The following MMD2 variants were observed in gnomAD, a reference collection of about 807,000 sequenced individuals.
MMD2 encodes monocyte to macrophage differentiation associated 2.
A neutral mutation model predicts 33.5 loss-of-function variants in MMD2; 30 were observed. That is an observed-to-expected ratio of 0.90 (90% confidence interval 0.67 to 1.22). The LOEUF is 1.22. MMD2 is among the 50% of genes most tolerant of loss of function. MMD2 has a pLI of 0.00. For missense variants in MMD2, 364 were observed against 325.4 expected, an observed-to-expected ratio of 1.12 and a Z score of -0.91; for synonymous variants, 129 against 123.0, an observed-to-expected ratio of 1.05 and a Z score of -0.32.
chr7:4,896,842 A>C, the MMD2 span, among the ~76,000 whole-genome samples: 1 of 150,114 alleles, frequency 6.7e-6, no homozygotes, highest in Admixed American at 6.6e-5. Context: ...TTCTTTCTTT[A>C]TTTTTCTCTA....
Position 4,908,147 on chromosome 7 carries a change from G to GTT in MMD2, c.538-550_538-549dup, listed in dbSNP as rs34216197. Among the ~76,000 whole-genome samples the GTT allele has an allele frequency of 2.8e-3, 387 of 137,620 alleles. 3 individuals carry two copies. Among genetic ancestry groups the GTT allele is most frequent in the African/African-American group, 7.6e-3 (286 of 37,598 alleles). 90.3% of individuals were successfully genotyped at this position (137,620 alleles called of 152,430 possible). A position where few individuals can be genotyped will look rare whatever the true frequency, so the allele number is the denominator to read the frequency against. Reference sequence around the variant, plus strand: ...TTTATAACTTATCTTATCTGGTTTTGTTTTTTTTTTTTTTGAGACACAGTT... The same window carrying GTT: ...TTTATAACTTATCTTATCTGGTTTTGTTTTTTTTTTTTTTTTGAGACACAGTT... On this transcript the variant is annotated intron_variant, in intron 6 of 6. Transcript: ENST00000401401.
At chr7:4,921,135 C>A in intron 2 of MMD2, among the ~76,000 whole-genome samples, 1 of 152,144 alleles carries the variant, frequency 6.6e-6, no homozygotes, top group Non-Finnish European at 1.5e-5. Flanking sequence ...AAGACCACGT[C>A]CCAGAGAGTG....
the MMD2 span, among the ~76,000 whole-genome samples, chr7:4,892,639 A>G: frequency 6.6e-6 from 1 of 151,886 alleles, no homozygotes; most frequent in East Asian, 1.9e-4. Context: ...TTAATTAATT[A>G]AAAGATGTGC....
intron 1 of MMD2, among the ~76,000 whole-genome samples, chr7:4,943,759 G>A (rs532700043): frequency 2.0e-5 from 3 of 152,146 alleles, no homozygotes; most frequent in Non-Finnish European, 4.4e-5. Context: ...AGCCGAAGAG[G>A]AGGGCAGCTT....
At position 4,919,561 on chromosome 7, in the gene MMD2, C is replaced by G. The variant is rs189750594; in HGVS notation, c.290+610G>C. ...CCAGCCTGGGCAACAGATTGAGACT[C>G]TTTCTCAAAAAACAAACAAACAAAC... On this transcript the variant is annotated intron_variant, in intron 3 of 6. Coordinates refer to ENST00000401401, the MANE Select transcript of MMD2 (RefSeq NM_198403.4). Among the ~76,000 whole-genome samples, 160 of 152,106 alleles carry G rather than the reference C, an allele frequency of 1.1e-3. 1 individual carries two copies. The highest frequency in any genetic ancestry group is 3.7e-3 in the African/African-American group (155 of 41,504).
chr7:4,925,256 A>G (rs552619159), intron 2 of MMD2, among the ~76,000 whole-genome samples, 195 bp downstream of exon 2: 8 of 152,248 alleles, frequency 5.3e-5, no homozygotes, highest in Admixed American at 1.3e-4. Flanking sequence ...AGAGCAAGAC[A>G]GAGACATGGC....
chr7:4,892,535 C>G, the MMD2 span, among the ~76,000 whole-genome samples: 1 of 151,008 alleles, frequency 6.6e-6, no homozygotes, highest in African/African-American at 2.4e-5. Context: ...ATGCAGTGAG[C>G]CGAGATCGCA....
chr7:4,918,555 C>G (rs902248731), intron 3 of MMD2, among the ~76,000 whole-genome samples: 2 of 148,632 alleles, frequency 1.3e-5, no homozygotes, highest in African/African-American at 5.0e-5. Flanking sequence ...ACTATCTAGA[C>G]TCACTGCAAC....
In MMD2 at chr7:4,940,465, C is replaced by T. The variant is rs1395028742; in HGVS notation, c.48-14933G>A. Among the ~76,000 whole-genome samples the T allele has an allele frequency of 1.3e-5, 2 of 152,218 alleles. No individual in the cohort carries two copies. The highest frequency in any genetic ancestry group is 2.9e-5 in the Non-Finnish European group (2 of 68,044). The stretch of plus-strand genomic sequence containing the variant: ...TTGGACAGAGGACTAGAGAGATTTG[C>T]CCGGGCTCCTACACAAAGGGGGTTC... On this transcript the variant is annotated intron_variant, in intron 1 of 6. Coordinates refer to ENST00000401401, the MANE Select transcript of MMD2 (RefSeq NM_198403.4). This position sits in a 1 kb window ranked among gnomAD's most constrained non-coding sequence, Gnocchi z 5.0.
At chr7:4,944,760 C>CTTTTTTTTTTTTTTTTTTTTT (rs142716643) in intron 1 of MMD2, among the ~76,000 whole-genome samples, 9 of 75,300 alleles carry the variant, frequency 1.2e-4, no homozygotes, top group Non-Finnish European at 1.6e-4. Context: ...TCTTCTTCTT[C>CTTTTTTTTTTTTTTTTTTTTT]TTTTTTTTTT....
intron 1 of MMD2, among the ~76,000 whole-genome samples, chr7:4,956,761 G>C (rs1786391532): frequency 6.6e-6 from 1 of 152,160 alleles, no homozygotes; most frequent in Non-Finnish European, 1.5e-5. Flanking sequence ...CAGCAGGTGT[G>C]GGACAGGCCC....
intron 1 of MMD2, among the ~76,000 whole-genome samples, chr7:4,944,760 C>CTTTTTTTT (rs142716643): frequency 4.6e-4 from 35 of 75,292 alleles, no homozygotes; most frequent in Non-Finnish European, 6.3e-4. Flanking sequence ...TCTTCTTCTT[C>CTTTTTTTT]TTTTTTTTTT....
chr7:4,947,184 G>C (rs1239870217), intron 1 of MMD2, among the ~76,000 whole-genome samples: 1 of 151,780 alleles, frequency 6.6e-6, no homozygotes, highest in Non-Finnish European at 1.5e-5. Flanking sequence ...CTCCAGCCTG[G>C]GTGACAGAGC....
chr7:4,936,853 G>A (rs1785754731), intron 1 of MMD2, among the ~76,000 whole-genome samples: 1 of 151,878 alleles, frequency 6.6e-6, no homozygotes, highest in Non-Finnish European at 1.5e-5. Flanking sequence ...TCTTCCCTCA[G>A]CCTCCCAAGT....
chr7:4,919,695 G>A (rs1424709313), intron 3 of MMD2, among the ~76,000 whole-genome samples: 1 of 152,146 alleles, frequency 6.6e-6, no homozygotes, highest in Admixed American at 6.6e-5. Context: ...AGACCAGCCT[G>A]GCCAACATGG....
In MMD2 at chr7:4,920,174, A is replaced by C; in HGVS notation, c.287T>G (p.Leu96Arg). Residue 96 changes from leucine to arginine, a missense_variant, in exon 3 of 7, where the codon CTC becomes CGC. By Grantham distance (102) the Leu-to-Arg change is moderately radical. Coordinates refer to ENST00000401401, the MANE Select transcript of MMD2 (RefSeq NM_198403.4). ...GTCCCCTCTGGGCGGGAGGCACCTGAGGTGGCTCTTCTTCCAGGAGATGGT... is the reference window on the plus strand; with the variant it reads ...GTCCCCTCTGGGCGGGAGGCACCTGCGGTGGCTCTTCTTCCAGGAGATGGT... ...FHTISWKKSH[L>R]RMVEHCLHMF... The C allele has an allele frequency of 6.4e-7, 1 of 1,559,466 alleles. No homozygotes were observed. The highest frequency in any genetic ancestry group is 1.7e-4 in the Middle Eastern group (1 of 5,994).
chr7:4,951,179 T>C (rs1186641452), intron 1 of MMD2, among the ~76,000 whole-genome samples: 1 of 152,048 alleles, frequency 6.6e-6, no homozygotes, highest in African/African-American at 2.4e-5. Context: ...ATCCTTGGAA[T>C]CCCAAGAAAG....
At chr7:4,915,029 T>G (rs1244352397) in intron 4 of MMD2, among the ~76,000 whole-genome samples, 1 of 152,252 alleles carries the variant, frequency 6.6e-6, no homozygotes, top group East Asian at 1.9e-4. Context: ...TCCCAACAGT[T>G]TGGGAGGCTG....
rs1784884256 is a variant in MMD2, at chr7:4,907,186, G to A, written c.*210C>T. The A allele has an allele frequency of 1.7e-6, 1 of 576,360 alleles. No homozygotes were observed. The highest frequency in any genetic ancestry group is 3.0e-5 in the Admixed American group (1 of 32,954). The allele number at this position is 576,360 out of a possible 1,614,324, so 35.7% of individuals were successfully genotyped here. On this transcript the variant is annotated 3_prime_UTR_variant, in exon 7 of 7. Transcript: ENST00000401401. ...ATCTAAAATAGAAACACATTACAGG[G>A]TTAATTTCTCCTCTGTAAGAATGGC...
Sources: gnomAD v4.1 joint callset for allele counts (sites outside exome capture counted in the v4.1 genomes callset) on GRCh38, gnomAD v4.1.1 for gene constraint, Gnocchi (gnomAD v3.1) non-coding constraint, MANE v1.5 for transcripts, NCBI Gene and HGNC (gene_info 2026-07-23, HGNC 2026-07-21) for gene names.